BCL7C: variants seen among roughly 807,000 people sequenced by gnomAD.
The protein encoded by BCL7C is BAF chromatin remodeling complex subunit BCL7C, also known as B-cell CLL/lymphoma 7 protein family member C.
BCL7C carries 8 observed loss-of-function variants against 26.2 expected under a neutral mutation model. The ratio of observed to expected loss-of-function variants is 0.30; its 90% CI spans 0.18 to 0.55. The LOEUF is 0.55. Ranked by LOEUF, BCL7C falls within the 20% of genes least tolerant of loss-of-function variation. The pLI, the probability that BCL7C is intolerant of heterozygous loss-of-function variation, is 0.93. For missense variants in BCL7C, 262 were observed against 298.5 expected, an observed-to-expected ratio of 0.88 and a Z score of 0.90; for synonymous variants, 90 against 116.5, an observed-to-expected ratio of 0.77 and a Z score of 1.47.
Position 30,892,091 on chromosome 16 carries a change from A to G in BCL7C, c.442+495T>C, listed in dbSNP as rs564153436. ...AGACCAGCCTGGGCAACATGGTGAA[A>G]CCTTATCTCTACAAAAAATACAAAA... On this transcript the variant is annotated intron_variant, in intron 4 of 5. Coordinates refer to ENST00000215115, the MANE Select transcript of BCL7C (RefSeq NM_004765.4). 1.1e-4 allele frequency among the ~76,000 whole-genome samples: 17 copies of G among 151,312 alleles called. No homozygotes were observed. The East Asian group carries it at 3.1e-3, about 28-fold the overall frequency.
At chr16:30,880,494 T>C (rs1024006924) in intron 5 of BCL7C, among the ~76,000 whole-genome samples, 1 of 148,912 alleles carries the variant, frequency 6.7e-6, no homozygotes, top group Non-Finnish European at 1.5e-5. Flanking sequence ...GGTCGGGAGA[T>C]TGAGACCATC....
chr16:30,888,088 T>G (rs1324927806), intron 5 of BCL7C, 98 bp from the exon 6 acceptor site: 1 of 1,319,484 alleles, frequency 7.6e-7, no homozygotes, highest in East Asian at 2.8e-5. Flanking sequence ...CCTCCCCTCC[T>G]GGGCCCGGGA....
chr16:30,880,871 T>C (rs926803085), intron 5 of BCL7C, among the ~76,000 whole-genome samples: 1 of 151,940 alleles, frequency 6.6e-6, no homozygotes, highest in African/African-American at 2.4e-5. Context: ...GCTAATTTTT[T>C]TTTAAGTTTT....
intron 4 of BCL7C, 142 bp downstream of exon 4, chr16:30,892,444 A>G: frequency 1.5e-6 from 1 of 678,136 alleles, no homozygotes; most frequent in Admixed American, 3.2e-5. Context: ...GACTGTAGCT[A>G]CAGGGAGATT....
rs1051243387 is a variant in BCL7C, at chr16:30,846,722, T to C, written c.529-11574A>G. 2.0e-5 allele frequency among the ~76,000 whole-genome samples: 3 copies of C among 152,352 alleles called. No homozygotes were observed. In the East Asian group the frequency reaches 5.8e-4, roughly 29 times the overall value. On this transcript the variant is annotated intron_variant, in intron 5 of 5. Transcript: ENST00000380317. Reference sequence around the variant, plus strand: ...CCTTAACTGATATAATAAGTGGCACTGGGAGTGATCCCAGGAGACAGACCT... The same window carrying C: ...CCTTAACTGATATAATAAGTGGCACCGGGAGTGATCCCAGGAGACAGACCT...
intron 5 of BCL7C, among the ~76,000 whole-genome samples, chr16:30,878,975 T>C (rs182772418): frequency 6.6e-6 from 1 of 152,020 alleles, no homozygotes; most frequent in Non-Finnish European, 1.5e-5. Flanking sequence ...TGGGGAGCCA[T>C]GGGAAGTTTT....
chr16:30,860,024 A>T (rs1235918952), intron 5 of BCL7C, among the ~76,000 whole-genome samples: 1 of 152,188 alleles, frequency 6.6e-6, no homozygotes, highest in African/African-American at 2.4e-5. Context: ...AAATTGGGTA[A>T]GCGGTCTTTT....
intron 5 of BCL7C, among the ~76,000 whole-genome samples, chr16:30,880,348 T>C (rs1479906379): frequency 6.6e-6 from 1 of 151,228 alleles, no homozygotes; most frequent in Non-Finnish European, 1.5e-5. Flanking sequence ...ATTAGTGAGC[T>C]GTGAACATGC....
At chr16:30,868,586 G>A (rs535510961) in intron 5 of BCL7C, among the ~76,000 whole-genome samples, 1 of 151,772 alleles carries the variant, frequency 6.6e-6, no homozygotes, top group Non-Finnish European at 1.5e-5. Flanking sequence ...GGGAGTTCGA[G>A]ACCAGCCTGA....
intron 5 of BCL7C, among the ~76,000 whole-genome samples, chr16:30,836,650 AT>A (rs2054571261): frequency 6.6e-6 from 1 of 151,240 alleles, no homozygotes; most frequent in South Asian, 2.1e-4. Context: ...TAATTTTTGT[AT>A]TTTTTGTAGA....
intron 5 of BCL7C, chr16:30,851,314 C>G (rs867508655): frequency 4.9e-6 from 1 of 204,198 alleles, no homozygotes. Context: ...AATCTTGGCT[C>G]ATCGCAACCT....
intron 5 of BCL7C, among the ~76,000 whole-genome samples, chr16:30,841,043 C>G (rs1467383063): frequency 6.6e-6 from 1 of 152,138 alleles, no homozygotes; most frequent in Non-Finnish European, 1.5e-5. Context: ...CTGCCAGAAA[C>G]CACATATAAA....
intron 4 of BCL7C, among the ~76,000 whole-genome samples, chr16:30,891,955 GTC>G (rs1029621310): frequency 1.4e-5 from 2 of 139,538 alleles, no homozygotes; most frequent in Middle Eastern, 3.5e-3. Context: ...CAGAGACCTT[GTC>G]TCTAAAAAAA....
intron 5 of BCL7C, among the ~76,000 whole-genome samples, chr16:30,837,023 T>C (rs757491598): frequency 4.0e-5 from 6 of 151,648 alleles, no homozygotes; most frequent in Non-Finnish European, 7.4e-5. Flanking sequence ...CTTGAACTCC[T>C]GACCTCGTGA....
chr16:30,855,641 C>A (rs778599909), intron 5 of BCL7C, among the ~76,000 whole-genome samples: 1 of 152,132 alleles, frequency 6.6e-6, no homozygotes, highest in Non-Finnish European at 1.5e-5. Context: ...ATCATTGCTA[C>A]GGACGGGGCA....
chr16:30,884,996 A>G (rs188554322), downstream of BCL7C, among the ~76,000 whole-genome samples: 549 of 152,206 alleles, frequency 3.6e-3, 3 homozygotes, highest in Non-Finnish European at 4.6e-3. Context: ...GGTTGAGGGG[A>G]GTCATGAGGT....
intron 5 of BCL7C, among the ~76,000 whole-genome samples, chr16:30,837,181 G>T (rs569807117): frequency 3.3e-4 from 50 of 152,130 alleles, no homozygotes; most frequent in African/African-American, 1.2e-3. Flanking sequence ...TATCCTTAAT[G>T]CCCAGTTGTT....
intron 5 of BCL7C, among the ~76,000 whole-genome samples, chr16:30,846,199 A>AATTT (rs748604975): frequency 0.1 from 13,580 of 131,328 alleles, 751 homozygotes; most frequent in Non-Finnish European, 0.12. Context: ...CTAATTTTAA[A>AATTT]ATTTATTTAT....
At chr16:30,881,264 C>T (rs1034443155) in intron 5 of BCL7C, among the ~76,000 whole-genome samples, 4 of 151,992 alleles carry the variant, frequency 2.6e-5, no homozygotes, top group Admixed American at 1.3e-4. Flanking sequence ...TGTGTGGTGG[C>T]GAGTGCCTGT....
Sources: gnomAD v4.1 joint callset for allele counts (sites outside exome capture counted in the v4.1 genomes callset) on GRCh38, gnomAD v4.1.1 for gene constraint, MANE v1.5 for transcripts, NCBI Gene and HGNC (gene_info 2026-07-23, HGNC 2026-07-21) for gene names.